Variants in SPATA22 observed in about 807,000 individuals in gnomAD.
SPATA22 encodes spermatogenesis-associated protein 22.
SPATA22 carries 29 observed loss-of-function variants against 47.8 expected under a neutral mutation model. The observed-to-expected ratio is 0.61, with a 90% CI of 0.45 to 0.83. The LOEUF is 0.83. SPATA22 is among the 40% of genes least tolerant of loss of function. The pLI, the probability that SPATA22 is intolerant of heterozygous loss-of-function variation, is 0.00. For synonymous variants in SPATA22, 133 were observed against 140.9 expected (o/e 0.94, Z 0.40); for missense variants, 410 against 421.7 (o/e 0.97, Z 0.24).
At chr17:3,511,524 T>A (rs1054151708) in intron 1 of SPATA22, 1 of 152,236 alleles carries the variant, frequency 6.6e-6, no homozygotes, top group Non-Finnish European at 1.5e-5. Flanking sequence ...CTGATGCTTC[T>A]TGACTTATGG....
intron 5 of SPATA22, among the ~76,000 whole-genome samples, chr17:3,453,726 C>A (rs2072917342): frequency 6.6e-6 from 1 of 152,136 alleles, no homozygotes; most frequent in African/African-American, 2.4e-5. Context: ...GAAATGCTCA[C>A]TGAAGCATTT....
At chr17:3,477,300 A>AT (rs1265814748) in intron 1 of SPATA22, among the ~76,000 whole-genome samples, 1 of 152,234 alleles carries the variant, frequency 6.6e-6, no homozygotes, top group Non-Finnish European at 1.5e-5. Context: ...TTCAGAGCTT[A>AT]TATTTTGCTG....
chr17:3,448,726 C>T, intron 6 of SPATA22, 81 bp downstream of exon 6: 1 of 1,034,138 alleles, frequency 9.7e-7, no homozygotes, highest in South Asian at 1.7e-5. Context: ...TTCAGGCGCT[C>T]TTATCTCTGT....
At position 3,485,882 on chromosome 17, in the gene SPATA22, AGAGAGCCAGATG is replaced by A. The variant is rs139048066; in HGVS notation, c.-73-16496_-73-16485del. Reference sequence around the variant, plus strand: ...CTCCAGTTCCCACAGGGTGACATAGAGAGAGCCAGATGGCAGCTATCCATGCCAGTGGTTGCA... The same window carrying A: ...CTCCAGTTCCCACAGGGTGACATAGAGCAGCTATCCATGCCAGTGGTTGCA... On this transcript the variant is annotated intron_variant, in intron 1 of 8. Transcript: ENST00000541913. The surrounding 1 kb of genome is among the most constrained non-coding windows in gnomAD (Gnocchi z 4.4). Among the ~76,000 whole-genome samples the A allele has an allele frequency of 9.1e-4, 138 of 152,082 alleles. No individual in the cohort carries two copies. In the East Asian group the frequency reaches 0.024, roughly 26 times the overall value.
At chr17:3,461,814 T>G (rs916101657) in intron 5 of SPATA22, among the ~76,000 whole-genome samples, 11 of 152,356 alleles carry the variant, frequency 7.2e-5, no homozygotes, top group African/African-American at 1.2e-4. Context: ...TGATTTGGTG[T>G]TGTTTTCCCA....
rs1310021251 is a variant in SPATA22, at chr17:3,504,753, T to G, written c.-74+8659A>C. On this transcript the variant is annotated intron_variant, in intron 1 of 8. Transcript: ENST00000541913. ...TGTATTTTTTTAGTAGAGACGGGGT[T>G]TCTCCATGTTGGTCAGGCTGGTCTC... Among the ~76,000 whole-genome samples the G allele has an allele frequency of 2.6e-5, 4 of 152,076 alleles. No homozygotes were observed. In the East Asian group the frequency reaches 7.7e-4, roughly 29 times the overall value.
chr17:3,490,022 A>G lies in SPATA22; in HGVS notation c.-73-20624T>C, dbSNP rs1319007204. The stretch of plus-strand genomic sequence containing the variant: ...TCAAAACACAATGGTAATTAGCAGA[A>G]AGCAAGTTGCAGACCAAGACATTCA... On this transcript the variant is annotated intron_variant, in intron 1 of 8. Transcript: ENST00000541913. This position sits in a 1 kb window ranked among gnomAD's most constrained non-coding sequence, Gnocchi z 4.6. Among the ~76,000 whole-genome samples the G allele has an allele frequency of 1.3e-5, 2 of 152,202 alleles. No individual in the cohort carries two copies. Among genetic ancestry groups the G allele is most frequent in the Non-Finnish European group, 2.9e-5 (2 of 68,034 alleles).
chr17:3,453,632 G>A (rs1374410603), intron 5 of SPATA22, among the ~76,000 whole-genome samples: 1 of 152,060 alleles, frequency 6.6e-6, no homozygotes, highest in Non-Finnish European at 1.5e-5. Flanking sequence ...CATAGTTACA[G>A]GCTGGGCATT....
intron 1 of SPATA22, among the ~76,000 whole-genome samples, chr17:3,497,572 T>A (rs763961843): frequency 1.9e-4 from 29 of 152,306 alleles, no homozygotes; most frequent in Non-Finnish European, 3.7e-4. Context: ...TCTCAGATTC[T>A]GATTTGATTT....
At chr17:3,465,355 A>G (rs2073275400) in intron 3 of SPATA22, among the ~76,000 whole-genome samples, 1 of 152,050 alleles carries the variant, frequency 6.6e-6, no homozygotes, top group African/African-American at 2.4e-5. Flanking sequence ...AGGTGGGGAA[A>G]AGATTGAGAA....
intron 1 of SPATA22, chr17:3,500,489 A>C (rs1230660841): frequency 8.9e-6 from 1 of 111,772 alleles, no homozygotes; most frequent in Non-Finnish European, 2.0e-5. Context: ...TGTTTCAAAA[A>C]TCCTAAAACT....
At chr17:3,451,925 C>G (rs535823332) in intron 5 of SPATA22, among the ~76,000 whole-genome samples, 1 of 145,150 alleles carries the variant, frequency 6.9e-6, no homozygotes, top group South Asian at 2.2e-4. Context: ...CCAGCCTGGG[C>G]GACAGAGCGA....
At chr17:3,481,486 A>C in intron 1 of SPATA22, 2 of 941,536 alleles carry the variant, frequency 2.1e-6, no homozygotes, top group Non-Finnish European at 3.2e-6. Flanking sequence ...TACTTACCAC[A>C]CAGATTTTTC....
At chr17:3,471,358 C>T (rs1292065739) in intron 1 of SPATA22, 8 of 914,450 alleles carry the variant, frequency 8.7e-6, no homozygotes, top group South Asian at 1.0e-4. Flanking sequence ...ACAGAATAAA[C>T]AACAACAAAA....
chr17:3,480,082 T>C (rs1016206539), intron 1 of SPATA22, among the ~76,000 whole-genome samples: 3 of 152,146 alleles, frequency 2.0e-5, no homozygotes, highest in African/African-American at 4.8e-5. Context: ...CCTCTAGTGG[T>C]TCCTGGACCT....
intron 3 of SPATA22, among the ~76,000 whole-genome samples, chr17:3,463,493 G>C (rs2073177479): frequency 6.6e-6 from 1 of 152,050 alleles, no homozygotes; most frequent in Non-Finnish European, 1.5e-5. Context: ...TAATATAAAA[G>C]ATAAAAACCA....
At chr17:3,466,002 A>G (rs751824298) in intron 3 of SPATA22, among the ~76,000 whole-genome samples, 38 of 151,986 alleles carry the variant, frequency 2.5e-4, no homozygotes, top group Non-Finnish European at 4.9e-4. Context: ...ATGGTGGAGT[A>G]TGACCAGATA....
At chr17:3,443,023 A>T (rs548043727) in intron 8 of SPATA22, 151 bp downstream of exon 8, 2 of 593,836 alleles carry the variant, frequency 3.4e-6, no homozygotes, top group East Asian at 6.1e-5. Context: ...GGCTCTCTAT[A>T]TTATAAAAAT....
At chr17:3,477,571 A>G (rs1465877575) in intron 1 of SPATA22, among the ~76,000 whole-genome samples, 1 of 149,926 alleles carries the variant, frequency 6.7e-6, no homozygotes, top group Non-Finnish European at 1.5e-5. Flanking sequence ...TCCTGCCTCA[A>G]CCTCCCGAGT....
Sources: gnomAD v4.1 joint callset for allele counts (sites outside exome capture counted in the v4.1 genomes callset) on GRCh38, gnomAD v4.1.1 for gene constraint, Gnocchi (gnomAD v3.1) non-coding constraint, MANE v1.5 for transcripts, NCBI Gene and HGNC (gene_info 2026-07-23, HGNC 2026-07-21) for gene names.